Variants in NFIC observed in about 807,000 individuals in gnomAD.
NFIC encodes the protein nuclear factor 1 C-type.
In NFIC, 12 loss-of-function variants were observed where a neutral mutation model predicts 54.4. The observed-to-expected ratio is 0.22, with a 90% CI of 0.14 to 0.36. The LOEUF (loss-of-function observed/expected upper bound fraction) is 0.36, where lower values mean the gene tolerates loss of function less well. NFIC is among the 10% of genes least tolerant of loss of function. The pLI, the probability that NFIC is intolerant of heterozygous loss-of-function variation, is 1.00. For synonymous variants in NFIC, 322 were observed against 319.2 expected (o/e 1.01, Z -0.09); for missense variants, 575 against 718.2 (o/e 0.80, Z 2.28).
At chr19:3,383,211 G>A (rs1022992672) in intron 2 of NFIC, among the ~76,000 whole-genome samples, 2 of 152,172 alleles carry the variant, frequency 1.3e-5, no homozygotes, top group Non-Finnish European at 2.9e-5. Context: ...GACCATGCCA[G>A]CAGAGGCCTG....
chr19:3,449,158 T>C lies in NFIC; in HGVS notation c.1084+19T>C. 6.2e-7 allele frequency: 1 copy of C among 1,605,384 alleles called. No homozygotes were observed. Among genetic ancestry groups the C allele is most frequent in the Non-Finnish European group, 8.5e-7 (1 of 1,176,290 alleles). The stretch of plus-strand genomic sequence containing the variant: ...CACAGCGGTAAGCGCCACGGGCCCC[T>C]GGCGGGGAGGGGCGGCGGGCCCTCC... On this transcript the variant is annotated intron_variant, in intron 7 of 10. Transcript: ENST00000443272.
In NFIC at chr19:3,452,621, T is replaced by A; in HGVS notation, c.1224T>A (p.Asp408Glu). The change falls in exon 8 of 11, where the codon GAT becomes GAA. Residue 408 changes from aspartate to glutamate, a missense_variant. Asp to Glu is a conservative substitution (Grantham distance 45, BLOSUM62 2). This residue lies in a region of NFIC where 447 missense variants were observed against 526.9 expected (regional missense o/e 0.85). Transcript: ENST00000443272. This position sits in a 1 kb window ranked among gnomAD's most constrained non-coding sequence, Gnocchi z 5.3. ...TCAACCCCCAGGACCCGCTCAAAGA[T>A]CTTGTCTCGCTGGCCTGCGACCCAG... ...PHLNPQDPLK[D>E]LVSLACDPAS... The A allele has an allele frequency of 6.2e-7, 1 of 1,613,162 alleles. No individual in the cohort carries two copies. The highest frequency in any genetic ancestry group is 8.5e-7 in the Non-Finnish European group (1 of 1,179,734).
intron 6 of NFIC, among the ~76,000 whole-genome samples, chr19:3,440,614 G>A (rs2082279091): frequency 6.6e-6 from 1 of 151,958 alleles, no homozygotes; most frequent in South Asian, 2.1e-4. Flanking sequence ...TATTTTTAGC[G>A]GAGGCGGGTT....
At chr19:3,450,722 A>C (rs528978923) in intron 7 of NFIC, among the ~76,000 whole-genome samples, 1 of 152,332 alleles carries the variant, frequency 6.6e-6, no homozygotes, top group Admixed American at 6.5e-5. Flanking sequence ...AAGGGGGGTG[A>C]ATTGTAGGAA....
chr19:3,360,035 G>T (rs886610028), intron 1 of NFIC, among the ~76,000 whole-genome samples: 2 of 149,000 alleles, frequency 1.3e-5, no homozygotes, highest in African/African-American at 4.9e-5. Context: ...AGGCGGGAGG[G>T]CGCGGCCCTG....
In NFIC at chr19:3,452,551, C is replaced by T; in HGVS notation, c.1154C>T (p.Ala385Val). 6.2e-7 allele frequency: 1 copy of T among 1,613,798 alleles called. No individual in the cohort carries two copies. Among genetic ancestry groups the T allele is most frequent in the East Asian group, 2.2e-5 (1 of 44,876 alleles). Residue 385 changes from alanine (A) to valine (V), a missense_variant, in exon 8 of 11, where the codon GCC (alanine) becomes GTC (valine). Physicochemically the swap from Ala to Val is moderately conservative, Grantham distance 64. Around this residue, in one of 3 missense-constraint regions of NFIC, gnomAD observed 447 missense variants for 526.9 expected, o/e 0.85. Transcript: ENST00000443272. The surrounding 1 kb of genome is among the most constrained non-coding windows in gnomAD (Gnocchi z 5.3). ...ACGACGTCCATCCTACCCCAGACGG[C>T]CTCCACCTACTTCCCCCACACGGCC... ...FPTTSILPQT[A>V]STYFPHTAIR... is the part of the protein sequence containing the mutation.
chr19:3,366,850 C>T (rs1381155527), intron 1 of NFIC, among the ~76,000 whole-genome samples, 184 bp downstream of exon 1: 1 of 151,972 alleles, frequency 6.6e-6, no homozygotes, highest in Non-Finnish European at 1.5e-5. Flanking sequence ...GGGTACCCCC[C>T]CCACACCCTT....
At chr19:3,415,270 A>T (rs1599645796) in intron 2 of NFIC, among the ~76,000 whole-genome samples, 1 of 149,450 alleles carries the variant, frequency 6.7e-6, no homozygotes, top group African/African-American at 2.5e-5. Flanking sequence ...ATGCCAGCAC[A>T]CCCAGCTAAT....
chr19:3,443,413 A>C (rs2082323019), intron 6 of NFIC, among the ~76,000 whole-genome samples: 1 of 150,214 alleles, frequency 6.7e-6, no homozygotes. Flanking sequence ...ACAGCGTGAG[A>C]CCCTATCTCA....
chr19:3,410,313 C>T (rs891361131), intron 2 of NFIC, among the ~76,000 whole-genome samples: 1 of 152,186 alleles, frequency 6.6e-6, no homozygotes, highest in Non-Finnish European at 1.5e-5. Flanking sequence ...GTGTGGTCAT[C>T]CATGCTAAAT....
chr19:3,387,163 G>A (rs527394688), intron 2 of NFIC, among the ~76,000 whole-genome samples: 4 of 152,292 alleles, frequency 2.6e-5, no homozygotes, highest in African/African-American at 9.6e-5. Flanking sequence ...CGGTGGAGGG[G>A]CACCTGCCAT....
intron 2 of NFIC, among the ~76,000 whole-genome samples, chr19:3,422,263 G>A (rs62125968): frequency 0.19 from 29,118 of 151,486 alleles, 3,962 homozygotes; most frequent in East Asian, 0.6. Context: ...TTGTAAAAAC[G>A]GGGTCTCACT....
chr19:3,398,178 C>T (rs2081495602), intron 2 of NFIC, among the ~76,000 whole-genome samples: 1 of 152,208 alleles, frequency 6.6e-6, no homozygotes, highest in Non-Finnish European at 1.5e-5. Flanking sequence ...TGCTCCGTGC[C>T]TCAGTTTCCC....
At chr19:3,444,378 G>A (rs117876690) in intron 6 of NFIC, among the ~76,000 whole-genome samples, 3 of 152,356 alleles carry the variant, frequency 2.0e-5, no homozygotes, top group South Asian at 2.1e-4. Flanking sequence ...CGGGAGGGGC[G>A]TATGGATGTG....
exon 1 of NFIC, chr19:3,359,672 G>A (rs1288187820): frequency 1.6e-5 from 22 of 1,408,558 alleles, no homozygotes; most frequent in Non-Finnish European, 2.1e-5. Context: ...TCGCCTCCTC[G>A]CAGCAGCGCC....
rs2082726857 is a variant in NFIC, at chr19:3,467,162, C to T, written c.*4393C>T. ...TTCTCAAATCTTGTTCCACCCCCCTCTGGAAGCCCCCATCACCCACCCCTG... is the reference window on the plus strand; with the variant it reads ...TTCTCAAATCTTGTTCCACCCCCCTTTGGAAGCCCCCATCACCCACCCCTG... On this transcript the variant is annotated 3_prime_UTR_variant, in exon 11 of 11. Coordinates refer to ENST00000443272, the MANE Select transcript of NFIC (RefSeq NM_001245002.2). 2 of 145,718 alleles carry T rather than the reference C, an allele frequency of 1.4e-5. No individual in the cohort carries two copies. The allele number at this position is 145,718 out of a possible 1,614,324, so 9.0% of individuals were successfully genotyped here.
chr19:3,451,308 G>A (rs903019618), intron 7 of NFIC, among the ~76,000 whole-genome samples: 2 of 152,106 alleles, frequency 1.3e-5, no homozygotes, highest in Admixed American at 1.3e-4. Flanking sequence ...GAGGTGAGGA[G>A]TGACGGCTGA....
rs554242563 is a variant in NFIC at position 3,463,863 on chromosome 19, C to G, written c.*1094C>G. ...TGCCTGATTACCACCACCCGCCCCC[C>G]CCTTTGTCCAGCTGGGACACGGAAT... On this transcript the variant is annotated 3_prime_UTR_variant, in exon 11 of 11. Transcript: ENST00000443272. 50 of 984,364 alleles carry G rather than the reference C, an allele frequency of 5.1e-5. No homozygotes were observed. In the South Asian group the frequency reaches 5.2e-4, roughly 10 times the overall value. 61.0% of individuals were successfully genotyped at this position (984,364 alleles called of 1,614,324 possible).
In NFIC at chr19:3,459,175, C is replaced by T. The variant is rs1283945537; in HGVS notation, c.1509+2540C>T. On this transcript the variant is annotated intron_variant, in intron 10 of 10. Coordinates refer to ENST00000443272, the MANE Select transcript of NFIC (RefSeq NM_001245002.2). This position sits in a 1 kb window ranked among gnomAD's most constrained non-coding sequence, Gnocchi z 4.2. ...GCGGATTCGCTTCCCTCTGCCCCCT[C>T]CTCCCCCAAAGCCTGGGTGGGCGCG... Among the ~76,000 whole-genome samples the T allele has an allele frequency of 6.6e-6, 1 of 151,908 alleles. No homozygotes were observed. The highest frequency in any genetic ancestry group is 6.6e-5 in the Admixed American group (1 of 15,252).
Sources: gnomAD v4.1 joint callset for allele counts (sites outside exome capture counted in the v4.1 genomes callset) on GRCh38, gnomAD v4.1.1 for gene constraint, gnomAD v4.1.1 regional missense constraint, Gnocchi (gnomAD v3.1) non-coding constraint, MANE v1.5 for transcripts, NCBI Gene and HGNC (gene_info 2026-07-23, HGNC 2026-07-21) for gene names.